The following PLXNA4 variants were observed in gnomAD, a reference collection of about 807,000 sequenced individuals.
PLXNA4 encodes plexin-A4.
A neutral mutation model predicts 191.8 loss-of-function variants in PLXNA4; 44 were observed. That is an observed-to-expected ratio of 0.23 (90% CI 0.18 to 0.29). The LOEUF is 0.29. Among genes scored for constraint, PLXNA4 ranks in the 10% least tolerant of loss-of-function variants. The pLI, the probability that PLXNA4 is intolerant of heterozygous loss-of-function variation, is 1.00. For missense variants in PLXNA4, 1,800 were observed against 2,488.8 expected, an observed-to-expected ratio of 0.72 and a Z score of 5.89; for synonymous variants, 1,082 against 1,009.5, an observed-to-expected ratio of 1.07 and a Z score of -1.36.
intron 2 of PLXNA4, among the ~76,000 whole-genome samples, chr7:132,584,720 CTGAG>C (rs1379679003): frequency 6.6e-6 from 1 of 152,134 alleles, no homozygotes. Context: ...CAGCAGAAAC[CTGAG>C]TGAGAAACAG....
At chr7:132,515,307 C>T (rs1250096508) in intron 1 of PLXNA4, among the ~76,000 whole-genome samples, 2 of 152,148 alleles carry the variant, frequency 1.3e-5, no homozygotes, top group African/African-American at 4.8e-5. Flanking sequence ...CCAGGCCTGG[C>T]GACATCCTAT....
rs534257794 is a variant in PLXNA4, at chr7:132,211,907, G to C, written c.2098-764C>G. Among the ~76,000 whole-genome samples the C allele has an allele frequency of 2.0e-5, 3 of 152,194 alleles. No individual in the cohort carries two copies. The East Asian group carries it at 5.8e-4, about 29-fold the overall frequency. Reference sequence around the variant, plus strand: ...TGGGGCTATCAGCTTTGTCCAGGGAGGGCTGGGGACATAAGGAGGTCAGAA... The same window carrying C: ...TGGGGCTATCAGCTTTGTCCAGGGACGGCTGGGGACATAAGGAGGTCAGAA... On this transcript the variant is annotated intron_variant, in intron 9 of 31. Coordinates refer to ENST00000321063, the MANE Select transcript of PLXNA4 (RefSeq NM_020911.2).
intron 3 of PLXNA4, among the ~76,000 whole-genome samples, chr7:132,375,933 C>T (rs1804640429): frequency 6.6e-6 from 1 of 152,142 alleles, no homozygotes; most frequent in Non-Finnish European, 1.5e-5. Context: ...AGCAATATTT[C>T]CTTCCACTCC....
chr7:132,387,954 C>T (rs1390083301), intron 3 of PLXNA4, among the ~76,000 whole-genome samples: 4 of 152,052 alleles, frequency 2.6e-5, no homozygotes, highest in Admixed American at 2.0e-4. Context: ...TCCCCGGGGT[C>T]TCTTTCTGCA....
intron 21 of PLXNA4, among the ~76,000 whole-genome samples, chr7:132,174,109 A>G (rs901191335): frequency 6.6e-6 from 1 of 152,212 alleles, no homozygotes; most frequent in Non-Finnish European, 1.5e-5. Flanking sequence ...ATTCCTCAGG[A>G]TTATTATTCT....
intron 9 of PLXNA4, among the ~76,000 whole-genome samples, chr7:132,217,164 C>G (rs1562972500): frequency 6.6e-6 from 1 of 152,356 alleles, no homozygotes; most frequent in East Asian, 1.9e-4. Context: ...GAAATGCACA[C>G]AAAATACAAA....
chr7:132,211,995 G>T (rs950227222), intron 9 of PLXNA4, among the ~76,000 whole-genome samples: 5 of 152,180 alleles, frequency 3.3e-5, no homozygotes, highest in Admixed American at 1.3e-4. Context: ...GTATTCTCAG[G>T]AGCTGTGTGG....
chr7:132,375,993 C>T (rs1563064831), intron 3 of PLXNA4, among the ~76,000 whole-genome samples: 1 of 152,236 alleles, frequency 6.6e-6, no homozygotes, highest in East Asian at 1.9e-4. Context: ...AGTTTGAGTC[C>T]CAACGCCACT....
Position 132,180,708 on chromosome 7 carries a change from C to T in PLXNA4, c.3517G>A (p.Ala1173Thr). ...TAGTTCAGCTTCACGTTGCCCCCAG[C>T]CACAGGCGGGATCAGGTTCTTGCCC... ...LKGKNLIPPVAGGNVKLNYTV... is the reference protein window; with the variant it reads ...LKGKNLIPPVTGGNVKLNYTV... Residue 1173 changes from alanine (A) to threonine (T), a missense_variant, in exon 19 of 32, where the codon GCT becomes ACT. Coordinates refer to ENST00000321063, the MANE Select transcript of PLXNA4 (RefSeq NM_020911.2). 6.2e-7 allele frequency: 1 copy of T among 1,614,168 alleles called. No individual in the cohort carries two copies.
rs113440424 is a variant in PLXNA4 at position 132,128,226 on chromosome 7, T to G, written c.*2253A>C. 13 of 152,312 alleles carry G rather than the reference T, an allele frequency of 8.5e-5. No homozygotes were observed. Among genetic ancestry groups the G allele is most frequent in the African/African-American group, 3.1e-4 (13 of 41,580 alleles). The allele number at this position is 152,312 out of a possible 1,614,324, so 9.4% of individuals were successfully genotyped here. A position where few individuals can be genotyped will look rare whatever the true frequency, so the allele number is the denominator to read the frequency against. Reference sequence around the variant, plus strand: ...TGGGAGGGAATAAAATGATCAAGGATAGAAAAGTCAAGCTTCTCCACCTGG... The same window carrying G: ...TGGGAGGGAATAAAATGATCAAGGAGAGAAAAGTCAAGCTTCTCCACCTGG... On this transcript the variant is annotated 3_prime_UTR_variant, in exon 32 of 32. Transcript: ENST00000321063.
At chr7:132,298,272 C>T (rs2116502897) in intron 3 of PLXNA4, 50 bp from the exon 4 acceptor site, 1 of 1,565,676 alleles carries the variant, frequency 6.4e-7, no homozygotes, top group African/African-American at 1.4e-5. Flanking sequence ...CTGCACTGCC[C>T]ACAGCCAAAC....
intron 3 of PLXNA4, among the ~76,000 whole-genome samples, chr7:132,395,518 A>G (rs1780503799): frequency 6.6e-6 from 1 of 152,234 alleles, no homozygotes; most frequent in Non-Finnish European, 1.5e-5. Context: ...GAAGTATTGC[A>G]GGCAGGCTGG....
chr7:132,133,674 A>G (rs1337940760), intron 30 of PLXNA4, among the ~76,000 whole-genome samples: 1 of 152,200 alleles, frequency 6.6e-6, no homozygotes, highest in Non-Finnish European at 1.5e-5. Flanking sequence ...GAGGCTACTC[A>G]GGGAGAGACT....
At chr7:132,332,614 C>G (rs908226593) in intron 3 of PLXNA4, among the ~76,000 whole-genome samples, 1 of 151,816 alleles carries the variant, frequency 6.6e-6, no homozygotes. Context: ...TTTGGGAGGC[C>G]AAGGCGGGAG....
At chr7:132,403,305 T>C (rs986766085) in intron 3 of PLXNA4, among the ~76,000 whole-genome samples, 1 of 152,202 alleles carries the variant, frequency 6.6e-6, no homozygotes, top group Non-Finnish European at 1.5e-5. Context: ...CTCTAAAGAA[T>C]GCCAGTGTCC....
chr7:132,598,289 A>G (rs760920605), intron 2 of PLXNA4, among the ~76,000 whole-genome samples: 10 of 152,114 alleles, frequency 6.6e-5, no homozygotes, highest in Non-Finnish European at 1.3e-4. Context: ...TTGTATTTTC[A>G]GTAGAGACAG....
At chr7:132,438,009 T>C (rs1795541336) in intron 3 of PLXNA4, among the ~76,000 whole-genome samples, 2 of 152,202 alleles carry the variant, frequency 1.3e-5, no homozygotes, top group Non-Finnish European at 2.9e-5. Context: ...GGGCAGGAAC[T>C]GCATCCAGCG....
At chr7:132,211,223 T>G in intron 9 of PLXNA4, 80 bp from the exon 10 acceptor site, 2 of 1,430,340 alleles carry the variant, frequency 1.4e-6, no homozygotes, top group Non-Finnish European at 1.9e-6. Context: ...AACCCGGATG[T>G]TCCCTGTCTC....
At chr7:132,456,415 T>C (rs1342838961) in intron 3 of PLXNA4, among the ~76,000 whole-genome samples, 1 of 152,188 alleles carries the variant, frequency 6.6e-6, no homozygotes, top group African/African-American at 2.4e-5. Flanking sequence ...ACCCAGCCTC[T>C]GTTCTCTTTT....
Sources: gnomAD v4.1 joint callset for allele counts (sites outside exome capture counted in the v4.1 genomes callset) on GRCh38, gnomAD v4.1.1 for gene constraint, MANE v1.5 for transcripts, NCBI Gene and HGNC (gene_info 2026-07-23, HGNC 2026-07-21) for gene names.